Variants in DCDC1 observed in about 807,000 individuals in gnomAD.
DCDC1 encodes the protein doublecortin domain-containing protein 1.
DCDC1 carries 200 observed loss-of-function variants against 178.3 expected under a neutral mutation model. That is an observed-to-expected ratio of 1.12 (90% confidence interval 1.00 to 1.26). DCDC1 has a LOEUF of 1.26. DCDC1 is among the 50% of genes most tolerant of loss of function. The pLI is 0.00. For synonymous variants in DCDC1, 690 were observed against 604.8 expected, an observed-to-expected ratio of 1.14 and a Z score of -2.07; for missense variants, 1,983 against 1,749.2, an observed-to-expected ratio of 1.13 and a Z score of -2.38.
At chr11:30,927,363 C>T (rs988006010) in intron 22 of DCDC1, among the ~76,000 whole-genome samples, 28 of 150,094 alleles carry the variant, frequency 1.9e-4, no homozygotes, top group African/African-American at 6.2e-4. Context: ...GCAAGCAATG[C>T]CTTGTTCTAA....
chr11:31,310,308 A>ATTTTTTTTTTTTTTTTTTTTTTT lies in DCDC1; in HGVS notation c.165-2423_165-2401dup, dbSNP rs11407483. Among the ~76,000 whole-genome samples, 3 of 53,864 alleles carry ATTTTTTTTTTTTTTTTTTTTTTT rather than the reference A, an allele frequency of 5.6e-5. 1 individual carries two copies. Among genetic ancestry groups the ATTTTTTTTTTTTTTTTTTTTTTT allele is most frequent in the Admixed American group, 5.9e-4 (2 of 3,392 alleles). 35.3% of individuals were successfully genotyped at this position (53,864 alleles called of 152,430 possible). ...GAGGACAGGTTTTCAGTAATTCTTG[A>ATTTTTTTTTTTTTTTTTTTTTTT]TTTTTTTTTTTTTTTTTTTTTTTTT... On this transcript the variant is annotated intron_variant, in intron 3 of 38. Coordinates refer to ENST00000684477, the MANE Select transcript of DCDC1 (RefSeq NM_001387274.1).
At chr11:30,970,334 G>A (rs1331656860) in intron 20 of DCDC1, among the ~76,000 whole-genome samples, 3 of 152,156 alleles carry the variant, frequency 2.0e-5, no homozygotes, top group African/African-American at 7.2e-5. Context: ...GTCCCCACAA[G>A]ACTACATCCT....
In DCDC1 at chr11:30,994,312, T is replaced by C. The variant is rs1951133770; in HGVS notation, c.2592-41744A>G. On this transcript the variant is annotated intron_variant, in intron 20 of 38. Transcript: ENST00000684477. ...TAGAATGAAACTTTTTTACCCATTT[T>C]TTTCTTTCCGGAGACTCACTCAGTA... 2.6e-5 allele frequency among the ~76,000 whole-genome samples: 4 copies of C among 152,078 alleles called. No individual in the cohort carries two copies. In the South Asian group the frequency reaches 8.3e-4, roughly 32 times the overall value.
At chr11:31,117,465 G>A (rs1960135545) in intron 11 of DCDC1, among the ~76,000 whole-genome samples, 1 of 152,020 alleles carries the variant, frequency 6.6e-6, no homozygotes, top group Non-Finnish European at 1.5e-5. Flanking sequence ...TTGAGCAAAG[G>A]GTGGTAATAA....
chr11:30,873,417 T>C (rs1941818995), intron 38 of DCDC1, among the ~76,000 whole-genome samples: 1 of 151,122 alleles, frequency 6.6e-6, no homozygotes, highest in East Asian at 1.9e-4. Context: ...AATTAAGTGT[T>C]AGAAAAACTA....
intron 11 of DCDC1, among the ~76,000 whole-genome samples, chr11:31,123,618 T>C (rs746497485): frequency 2.0e-4 from 31 of 151,852 alleles, no homozygotes; most frequent in Non-Finnish European, 4.0e-4. Flanking sequence ...ATGGGGCTGA[T>C]ATCCAGGTTT....
At chr11:30,915,424 G>T in intron 27 of DCDC1, 87 bp downstream of exon 27, 2 of 1,406,304 alleles carry the variant, frequency 1.4e-6, no homozygotes, top group Non-Finnish European at 2.0e-6. Context: ...CTCAGATATA[G>T]TTCATCTTGT....
At chr11:30,971,284 A>T (rs1334662984) in intron 20 of DCDC1, among the ~76,000 whole-genome samples, 1 of 152,222 alleles carries the variant, frequency 6.6e-6, no homozygotes, top group Non-Finnish European at 1.5e-5. Flanking sequence ...TCTCCAAAAG[A>T]ACAAAAGAAC....
chr11:31,236,234 C>A, intron 9 of DCDC1, among the ~76,000 whole-genome samples: 1 of 152,102 alleles, frequency 6.6e-6, no homozygotes, highest in Non-Finnish European at 1.5e-5. Flanking sequence ...TACCTATGCA[C>A]AAACTCTAGA....
Position 30,892,980 on chromosome 11 carries a change from G to T in DCDC1, c.4920C>A (p.Ile1640=), listed in dbSNP as rs372269095. 19 of 1,613,646 alleles carry T rather than the reference G, an allele frequency of 1.2e-5. No homozygotes were observed. Among genetic ancestry groups the T allele is most frequent in the Non-Finnish European group, 1.4e-5 (17 of 1,179,800 alleles). Residue 1640 remains isoleucine (I), a synonymous_variant, in exon 36 of 39, where the codon ATC becomes ATA. Coordinates refer to ENST00000684477, the MANE Select transcript of DCDC1 (RefSeq NM_001387274.1). ...IRHTEAHLSE[I]QEMESKINFP... is the part of the protein sequence containing the mutation. ...AATTTATTTTGGATTCCATTTCTTG[G>T]ATTTCAGAAAGGTGTGCCTGTCAAG...
intron 17 of DCDC1, among the ~76,000 whole-genome samples, chr11:31,089,382 A>G (rs1957665576): frequency 6.6e-6 from 1 of 152,078 alleles, no homozygotes; most frequent in Non-Finnish European, 1.5e-5. Flanking sequence ...CACTAATTTT[A>G]AACAATTCTA....
intron 36 of DCDC1, among the ~76,000 whole-genome samples, chr11:30,888,105 AG>A (rs1943410685): frequency 1.1e-5 from 1 of 91,000 alleles, no homozygotes; most frequent in Non-Finnish European, 2.3e-5. Context: ...AGAAAAAGAA[AG>A]AAAGAAAGAA....
intron 1 of DCDC1, among the ~76,000 whole-genome samples, chr11:31,343,016 A>C (rs955272564): frequency 6.6e-6 from 1 of 152,114 alleles, no homozygotes; most frequent in Non-Finnish European, 1.5e-5. Context: ...TTATAATCCC[A>C]GTATTTTCAG....
chr11:31,099,997 G>A (rs1404463510), intron 15 of DCDC1, among the ~76,000 whole-genome samples: 10 of 152,158 alleles, frequency 6.6e-5, no homozygotes, highest in South Asian at 4.2e-4. Flanking sequence ...GATTACAGGC[G>A]TGAGCCACTG....
intron 38 of DCDC1, among the ~76,000 whole-genome samples, chr11:30,873,499 T>C (rs1941830124): frequency 6.6e-6 from 1 of 152,048 alleles, no homozygotes; most frequent in Non-Finnish European, 1.5e-5. Context: ...TCTCAAGCTA[T>C]ATGGATTTCA....
In DCDC1 at chr11:31,191,699, G is replaced by C. The variant is rs530071620; in HGVS notation, c.1221+49751C>G. On this transcript the variant is annotated intron_variant, in intron 9 of 38. Coordinates refer to ENST00000684477, the MANE Select transcript of DCDC1 (RefSeq NM_001387274.1). ...AAAGAGTGATGTCCATGGAGGGTTGGGTTTCAACAGAAACAAAGAAGTGAA... is the reference window on the plus strand; with the variant it reads ...AAAGAGTGATGTCCATGGAGGGTTGCGTTTCAACAGAAACAAAGAAGTGAA... 4.6e-5 allele frequency among the ~76,000 whole-genome samples: 7 copies of C among 152,056 alleles called. No homozygotes were observed. The East Asian group carries it at 1.4e-3, about 29-fold the overall frequency.
At chr11:31,329,700 T>C (rs977720798) in intron 2 of DCDC1, among the ~76,000 whole-genome samples, 3 of 152,186 alleles carry the variant, frequency 2.0e-5, no homozygotes, top group Non-Finnish European at 4.4e-5. Flanking sequence ...CTTTCCAGCT[T>C]CATCCATGTC....
At chr11:30,980,523 T>C (rs1950339937) in intron 20 of DCDC1, among the ~76,000 whole-genome samples, 1 of 152,064 alleles carries the variant, frequency 6.6e-6, no homozygotes, top group Non-Finnish European at 1.5e-5. Context: ...ATATTGGACA[T>C]GGGGGATGGT....
intron 9 of DCDC1, among the ~76,000 whole-genome samples, chr11:31,186,746 C>T (rs1392476065): frequency 1.3e-5 from 2 of 152,222 alleles, no homozygotes; most frequent in African/African-American, 4.8e-5. Context: ...GGCAAAGAAG[C>T]AGCAGATCAA....
Sources: allele counts gnomAD v4.1 joint callset (sites outside exome capture counted in the v4.1 genomes callset), GRCh38; gene constraint gnomAD v4.1.1; transcripts MANE v1.5; gene names NCBI Gene and HGNC (gene_info 2026-07-23, HGNC 2026-07-21).